The following ACYP2 variants were observed in gnomAD, a reference collection of about 807,000 sequenced individuals.
ACYP2 encodes acylphosphatase 2.
In ACYP2, 12 loss-of-function variants were observed where a neutral mutation model predicts 11.2. The ratio of observed to expected loss-of-function variants is 1.08; its 90% CI spans 0.69 to 1.74. ACYP2 has a LOEUF of 1.74. Ranked by LOEUF, ACYP2 falls within the 40% of genes most tolerant of loss-of-function variation. The pLI is 0.00. For synonymous variants in ACYP2, 43 were observed against 32.2 expected (o/e 1.33, Z -1.13); for missense variants, 134 against 101.9 (o/e 1.31, Z -1.35).
intron 6 of ACYP2, among the ~76,000 whole-genome samples, chr2:54,181,805 C>T (rs577447201): frequency 0.023 from 3,429 of 152,182 alleles, 69 homozygotes; most frequent in Non-Finnish European, 0.027. Context: ...CCATTTCTGT[C>T]CACTGGTTCT....
intron 4 of ACYP2, among the ~76,000 whole-genome samples, chr2:54,101,671 CA>C (rs61395630): frequency 0.21 from 25,692 of 121,788 alleles, 2,251 homozygotes; most frequent in African/African-American, 0.29. Flanking sequence ...GAGACTGTCT[CA>C]AAAAAAAAAA....
At chr2:54,284,323 C>T (rs1326404454) in intron 6 of ACYP2, among the ~76,000 whole-genome samples, 2 of 152,174 alleles carry the variant, frequency 1.3e-5, no homozygotes, top group African/African-American at 2.4e-5. Flanking sequence ...CTCGTCTCCT[C>T]AACATACAGC....
At chr2:54,181,930 A>C (rs564207025) in intron 6 of ACYP2, among the ~76,000 whole-genome samples, 8 of 152,210 alleles carry the variant, frequency 5.3e-5, no homozygotes, top group Middle Eastern at 3.4e-3. Flanking sequence ...TAGGCCATAA[A>C]TCTTAAAATC....
intron 6 of ACYP2, among the ~76,000 whole-genome samples, chr2:54,152,435 G>T (rs1216600861): frequency 6.6e-6 from 1 of 152,086 alleles, no homozygotes; most frequent in Non-Finnish European, 1.5e-5. Flanking sequence ...GAGTTCACTT[G>T]TGATGTTGTA....
chr2:54,175,451 A>G (rs1220609013), intron 6 of ACYP2, among the ~76,000 whole-genome samples: 3 of 151,918 alleles, frequency 2.0e-5, no homozygotes, highest in Non-Finnish European at 2.9e-5. Flanking sequence ...CTAGCGGTCT[A>G]TCAATTTTGT....
At chr2:54,199,885 G>C (rs901840159) in intron 6 of ACYP2, among the ~76,000 whole-genome samples, 3 of 152,178 alleles carry the variant, frequency 2.0e-5, no homozygotes, top group Non-Finnish European at 2.9e-5. Context: ...TCGTTGCAAT[G>C]GTTCTGTATC....
intron 4 of ACYP2, among the ~76,000 whole-genome samples, chr2:54,114,510 C>G (rs1381426779): frequency 6.6e-6 from 1 of 151,962 alleles, no homozygotes; most frequent in Non-Finnish European, 1.5e-5. Flanking sequence ...ATGGTGAAAC[C>G]CCGTCTCCAC....
intron 6 of ACYP2, among the ~76,000 whole-genome samples, chr2:54,290,455 G>A (rs1689256537): frequency 6.6e-6 from 1 of 151,942 alleles, no homozygotes; most frequent in South Asian, 2.1e-4. Flanking sequence ...AGCTTTTTAT[G>A]TTTGCACCTC....
At position 54,305,196 on chromosome 2, in the gene ACYP2, T is replaced by C. The variant is rs1380376689; in HGVS notation, c.*394T>C. The C allele has an allele frequency of 6.5e-6, 1 of 153,446 alleles. No homozygotes were observed. The highest frequency in any genetic ancestry group is 1.5e-5 in the Non-Finnish European group (1 of 68,900). The allele number at this position is 153,446 out of a possible 1,614,324, so 9.5% of individuals were successfully genotyped here. On this transcript the variant is annotated 3_prime_UTR_variant, in exon 7 of 7. Coordinates refer to ENST00000607452, the MANE Select transcript of ACYP2 (RefSeq NM_001320586.2). ...ATTATAAAATCCTCTGAATAATTTGTTACTACGGTTATTTGTTATTAAACT... is the reference window on the plus strand; with the variant it reads ...ATTATAAAATCCTCTGAATAATTTGCTACTACGGTTATTTGTTATTAAACT...
In ACYP2 at chr2:54,201,680, T is replaced by TTC. The variant is rs60167120; in HGVS notation, c.404+62950_404+62951dup. ...TTTCTTTCTTTCTTTCTTTCTTTCT[T>TTC]TCTCTCTCTCTCTCTCTCTTTTTTC... On this transcript the variant is annotated intron_variant, in intron 6 of 6. Coordinates refer to ENST00000607452, the MANE Select transcript of ACYP2 (RefSeq NM_001320586.2). 2.1e-3 allele frequency among the ~76,000 whole-genome samples: 230 copies of TTC among 107,346 alleles called. 2 individuals are homozygous for TTC. The highest frequency in any genetic ancestry group is 4.5e-3 in the African/African-American group (120 of 26,760). 70.4% of individuals were successfully genotyped at this position (107,346 alleles called of 152,430 possible). A position where few individuals can be genotyped will look rare whatever the true frequency, so the allele number is the denominator to read the frequency against.
intron 2 of ACYP2, among the ~76,000 whole-genome samples, chr2:53,988,064 G>A (rs2104515744): frequency 6.6e-6 from 1 of 152,110 alleles, no homozygotes; most frequent in Admixed American, 6.5e-5. Context: ...CTTTTATTTA[G>A]TGTGAGATCT....
intron 6 of ACYP2, among the ~76,000 whole-genome samples, chr2:54,141,480 GC>G (rs1681596308): frequency 6.6e-6 from 1 of 152,042 alleles, no homozygotes; most frequent in Admixed American, 6.6e-5. Context: ...CAGATGAATA[GC>G]CAGTTGTCCT....
intron 6 of ACYP2, among the ~76,000 whole-genome samples, chr2:54,160,054 A>T (rs1339184859): frequency 6.6e-6 from 1 of 152,166 alleles, no homozygotes; most frequent in East Asian, 1.9e-4. Context: ...CTCCCCCTCA[A>T]GAGAATGCTT....
At chr2:54,272,853 A>ATGAT (rs1448724268) in intron 6 of ACYP2, among the ~76,000 whole-genome samples, 1 of 152,258 alleles carries the variant, frequency 6.6e-6, no homozygotes, top group Non-Finnish European at 1.5e-5. Flanking sequence ...GAGACTTTCA[A>ATGAT]TGATAGAATA....
chr2:54,280,864 T>C lies in ACYP2; in HGVS notation c.405-23824T>C, dbSNP rs185483981. Among the ~76,000 whole-genome samples, 492 of 152,266 alleles carry C rather than the reference T, an allele frequency of 3.2e-3. 2 individuals carry two copies. The highest frequency in any genetic ancestry group is 0.01 in the Middle Eastern group (3 of 294). On this transcript the variant is annotated intron_variant, in intron 6 of 6. Transcript: ENST00000607452. ...GAGAAATGAGATGGTAACTGGAAGA[T>C]AGGTTTGTATTCCACTGAGTGGGTA...
chr2:54,068,139 C>G (rs1014679518), intron 4 of ACYP2, among the ~76,000 whole-genome samples: 26 of 152,140 alleles, frequency 1.7e-4, no homozygotes, highest in African/African-American at 6.3e-4. Flanking sequence ...CTCTAATGCT[C>G]TTGGGATTTT....
chr2:54,226,236 CAAAA>C (rs199945532), intron 6 of ACYP2, among the ~76,000 whole-genome samples: 8 of 151,680 alleles, frequency 5.3e-5, no homozygotes, highest in African/African-American at 1.9e-4. Context: ...AAATTGAAAA[CAAAA>C]AAAATATTTA....
intron 6 of ACYP2, among the ~76,000 whole-genome samples, chr2:54,199,093 C>T (rs1684642416): frequency 6.6e-6 from 1 of 152,156 alleles, no homozygotes; most frequent in African/African-American, 2.4e-5. Flanking sequence ...CTCAGAACAC[C>T]ATTGCCTTTT....
At chr2:53,986,018 C>T (rs1558453504) in intron 2 of ACYP2, among the ~76,000 whole-genome samples, 2 of 152,072 alleles carry the variant, frequency 1.3e-5, no homozygotes, top group Non-Finnish European at 2.9e-5. Flanking sequence ...CACCTGTAAT[C>T]CCAGCTCCTC....
Sources: gnomAD v4.1 joint callset for allele counts (sites outside exome capture counted in the v4.1 genomes callset) on GRCh38, gnomAD v4.1.1 for gene constraint, MANE v1.5 for transcripts, NCBI Gene and HGNC (gene_info 2026-07-23, HGNC 2026-07-21) for gene names.